The following VRK3 variants were observed in gnomAD, a reference collection of about 807,000 sequenced individuals.
VRK3 encodes VRK serine/threonine kinase 3, also known as serine/threonine-protein kinase VRK3.
VRK3 carries 50 observed loss-of-function variants against 60.4 expected under a neutral mutation model. The observed-to-expected ratio is 0.83, with a 90% CI of 0.66 to 1.05. VRK3 has a LOEUF of 1.05. Ranked by LOEUF, VRK3 falls within the 50% of genes least tolerant of loss-of-function variation. VRK3 has a pLI of 0.00. For missense variants in VRK3, 549 were observed against 585.3 expected (o/e 0.94, Z 0.64); for synonymous variants, 246 against 227.8 (o/e 1.08, Z -0.72).
intron 3 of VRK3, among the ~76,000 whole-genome samples, chr19:50,013,650 T>G (rs2077030326): frequency 6.6e-6 from 1 of 152,230 alleles, no homozygotes; most frequent in Admixed American, 6.5e-5. Context: ...GACCTACTAC[T>G]GATATTTAAT....
intron 1 of VRK3, among the ~76,000 whole-genome samples, chr19:50,022,997 A>G (rs12978973): frequency 0.24 from 36,209 of 151,884 alleles, 4,740 homozygotes; most frequent in African/African-American, 0.34. Context: ...CAGCCACAAC[A>G]GCTTCGGTGC....
intron 9 of VRK3, among the ~76,000 whole-genome samples, chr19:49,994,439 C>T (rs1305483408): frequency 6.6e-6 from 1 of 152,244 alleles, no homozygotes; most frequent in East Asian, 1.9e-4. Context: ...CCACACAAGC[C>T]TTGCCCCAGC....
intron 12 of VRK3, chr19:49,981,687 A>C: frequency 3.0e-6 from 3 of 996,928 alleles, no homozygotes; most frequent in Non-Finnish European, 3.6e-6. Flanking sequence ...CCCTTTGATG[A>C]TGAGGAAAGA....
chr19:50,025,130 G>C (rs1397041930), intron 1 of VRK3, 137 bp downstream of exon 1: 1 of 152,374 alleles, frequency 6.6e-6, no homozygotes, highest in Non-Finnish European at 1.5e-5. Flanking sequence ...CCGCGACCCG[G>C]AGCCGCTCTC....
Position 49,979,138 on chromosome 19 carries a change from G to A in VRK3, c.1381C>T (p.Arg461Cys), listed in dbSNP as rs1372747297. Reference protein sequence around the residue: ...NNLEALLQDLRVSPYDPIGLP... With the variant: ...NNLEALLQDLCVSPYDPIGLP... ...CCAATGGGGTCATATGGAGACACAC[G>A]CAGATCCTGCAGCAAAGCTTCTAGG... Residue 461 changes from arginine (R) to cysteine (C), a missense_variant, in exon 14 of 15, where the codon CGT becomes TGT. By Grantham distance (180) the Arg-to-Cys change is radical. Coordinates refer to ENST00000316763, the MANE Select transcript of VRK3 (RefSeq NM_016440.4). 10 of 1,613,948 alleles carry A rather than the reference G, an allele frequency of 6.2e-6. No homozygotes were observed. The highest frequency in any genetic ancestry group is 1.1e-5 in the South Asian group (1 of 91,076).
At chr19:49,983,094 T>A (rs1335636206) in intron 12 of VRK3, among the ~76,000 whole-genome samples, 2 of 151,640 alleles carry the variant, frequency 1.3e-5, no homozygotes, top group African/African-American at 4.9e-5. Flanking sequence ...ACCCAGAGGG[T>A]CTCTTTACAC....
At chr19:49,985,236 AACCTGTCTC>A (rs1472458843) in intron 12 of VRK3, among the ~76,000 whole-genome samples, 9 of 152,174 alleles carry the variant, frequency 5.9e-5, no homozygotes, top group Non-Finnish European at 2.9e-5. Context: ...TTTCAAAAGA[AACCTGTCTC>A]ACCACTGTGA....
rs752588372 is a variant in VRK3 at position 50,000,859 on chromosome 19, G to A, written c.548-5C>T. ...TGAGGGTGGAGGTGGGTGCAGCTGT[G>A]GGGGAACAAACAAGGGAGTGAGGTT... is the stretch of plus-strand genomic sequence containing the variant. On this transcript the variant is annotated splice_polypyrimidine_tract_variant and splice_region_variant and intron_variant, in intron 5 of 14. Transcript: ENST00000316763. The A allele has an allele frequency of 7.4e-6, 12 of 1,613,278 alleles. No individual in the cohort carries two copies. The highest frequency in any genetic ancestry group is 2.7e-5 in the African/African-American group (2 of 74,894).
chr19:49,980,247 T>C (rs1288520778), intron 13 of VRK3, among the ~76,000 whole-genome samples: 1 of 151,736 alleles, frequency 6.6e-6, no homozygotes, highest in Non-Finnish European at 1.5e-5. Flanking sequence ...ACAGTGCAAA[T>C]ACCCAGTAAC....
chr19:49,976,872 TCTGGGGATGTCATCTTCTAGGTA>T (rs1342241043), intron 14 of VRK3, 88 bp from the exon 15 acceptor site: 1 of 152,220 alleles, frequency 6.6e-6, no homozygotes, highest in Non-Finnish European at 1.5e-5. Context: ...CCTTCTAGGT[TCTGGGGATGTCATCTTCTAGGTA>T]CTGGGGATGT....
intron 1 of VRK3, among the ~76,000 whole-genome samples, chr19:50,022,719 G>C (rs1313318291): frequency 1.3e-5 from 2 of 152,102 alleles, no homozygotes; most frequent in South Asian, 2.1e-4. Flanking sequence ...GCTTGAACCT[G>C]GGAGGCAGAG....
intron 7 of VRK3, among the ~76,000 whole-genome samples, chr19:49,996,360 T>C (rs2076704893): frequency 6.6e-6 from 1 of 151,638 alleles, no homozygotes; most frequent in Admixed American, 6.6e-5. Context: ...CCCGACTGCA[T>C]TTGCTAATTT....
At chr19:49,976,958 G>C (rs2076340792) in intron 14 of VRK3, among the ~76,000 whole-genome samples, 174 bp from the exon 15 acceptor site, 1 of 152,148 alleles carries the variant, frequency 6.6e-6, no homozygotes, top group Non-Finnish European at 1.5e-5. Context: ...ATGAGGAGGA[G>C]GCGGGTGGAG....
At chr19:49,995,314 T>C (rs1224620483) in intron 7 of VRK3, 39 bp from the exon 8 acceptor site, 1 of 1,588,944 alleles carries the variant, frequency 6.3e-7, no homozygotes, top group South Asian at 1.1e-5. Flanking sequence ...ACCCACCCAG[T>C]CCCAAGCCCA....
At chr19:49,988,862 G>C (rs1249618155) in intron 11 of VRK3, among the ~76,000 whole-genome samples, 1 of 152,174 alleles carries the variant, frequency 6.6e-6, no homozygotes, top group Non-Finnish European at 1.5e-5. Flanking sequence ...GACAGCTATA[G>C]CGTGCGACTA....
Position 49,989,707 on chromosome 19 carries a change from A to C in VRK3, c.1028T>G (p.Val343Gly). 6.2e-7 allele frequency: 1 copy of C among 1,614,000 alleles called. No individual in the cohort carries two copies. The highest frequency in any genetic ancestry group is 8.5e-7 in the Non-Finnish European group (1 of 1,179,900). The part of the protein sequence containing the change: ...YCPSGKHVAY[V>G]EGSRSPHEGD... Reference sequence around the variant, plus strand: ...CTCGTGAGGGCTCCTGCTGCCTTCCACGTAGGCCACGTGTTTGCCACTTGG... The same window carrying C: ...CTCGTGAGGGCTCCTGCTGCCTTCCCCGTAGGCCACGTGTTTGCCACTTGG... The change falls in exon 11 of 15, where the codon GTG becomes GGG. Residue 343 changes from valine (V) to glycine (G), a missense_variant. Coordinates refer to ENST00000316763, the MANE Select transcript of VRK3 (RefSeq NM_016440.4).
At chr19:49,987,951 C>T (rs2076545080) in intron 12 of VRK3, 1 of 157,270 alleles carries the variant, frequency 6.4e-6, no homozygotes, top group East Asian at 1.8e-4. Flanking sequence ...ATCCGCCCGC[C>T]TCTGCCTCCC....
At chr19:50,023,441 A>G (rs1043174117) in intron 1 of VRK3, among the ~76,000 whole-genome samples, 1 of 152,202 alleles carries the variant, frequency 6.6e-6, no homozygotes, top group Non-Finnish European at 1.5e-5. Context: ...TCAGCCTCCC[A>G]AAGTCCTGGG....
intron 6 of VRK3, chr19:50,000,332 C>G (rs10408432): frequency 0.046 from 8,041 of 175,032 alleles, 696 homozygotes; most frequent in African/African-American, 0.18. Flanking sequence ...GACTCATGCT[C>G]GGCACCCGAT....
Sources: allele counts gnomAD v4.1 joint callset (sites outside exome capture counted in the v4.1 genomes callset), GRCh38; gene constraint gnomAD v4.1.1; transcripts MANE v1.5; gene names NCBI Gene and HGNC (gene_info 2026-07-23, HGNC 2026-07-21).